POSTN: variants seen among roughly 807,000 people sequenced by gnomAD.
POSTN encodes periostin, also known as osteoblast specific factor 2 (fasciclin I-like).
Under a neutral mutation model 104.5 loss-of-function variants are expected in POSTN, and 71 were observed. That is an observed-to-expected ratio of 0.68 (90% CI 0.56 to 0.83). POSTN has a LOEUF of 0.83. Among genes scored for constraint, POSTN ranks in the 40% least tolerant of loss-of-function variants. The pLI, the probability that POSTN is intolerant of heterozygous loss-of-function variation, is 0.00. For synonymous variants in POSTN, 355 were observed against 340.7 expected, an observed-to-expected ratio of 1.04 and a Z score of -0.46; for missense variants, 949 against 1,006.8, an observed-to-expected ratio of 0.94 and a Z score of 0.78.
intron 16 of POSTN, among the ~76,000 whole-genome samples, chr13:37,575,701 A>C (rs1441295643): frequency 2.0e-5 from 3 of 152,126 alleles, no homozygotes; most frequent in Non-Finnish European, 4.4e-5. Flanking sequence ...TGGTTTCTGC[A>C]GTTCTCACCT....
chr13:37,593,334 T>G (rs1314015098), intron 2 of POSTN, among the ~76,000 whole-genome samples: 13 of 150,158 alleles, frequency 8.7e-5, no homozygotes, highest in Admixed American at 8.6e-4. Context: ...ATCCTAATTT[T>G]TATTTTTTCG....
In POSTN at chr13:37,568,425, GC is replaced by G. The variant is rs1428898930; in HGVS notation, c.2431+874del. Among the ~76,000 whole-genome samples the G allele has an allele frequency of 2.0e-5, 3 of 152,068 alleles. No individual in the cohort carries two copies. The East Asian group carries it at 5.8e-4, about 29-fold the overall frequency. ...AGTTTTAAAAAGTATAAGCTGAAAA[GC>G]CATCTGGACTGTGTTTTGGATAAAC... is the stretch of plus-strand genomic sequence containing the variant. On this transcript the variant is annotated intron_variant, in intron 21 of 22. Coordinates refer to ENST00000379747, the MANE Select transcript of POSTN (RefSeq NM_006475.3).
intron 1 of POSTN, among the ~76,000 whole-genome samples, chr13:37,597,995 T>C (rs533360871): frequency 6.6e-6 from 1 of 152,260 alleles, no homozygotes; most frequent in Non-Finnish European, 1.5e-5. Flanking sequence ...CTTAAAAAAT[T>C]ATAAATGGTT....
In POSTN at chr13:37,586,273, G is replaced by C. The variant is rs1204823668; in HGVS notation, c.761C>G (p.Ala254Gly). The change falls in exon 7 of 23, where the codon GCC becomes GGC. Residue 254 changes from alanine (A) to glycine (G), a missense_variant. Physicochemically the swap from Ala to Gly is moderately conservative, Grantham distance 60 (BLOSUM62 0). Coordinates refer to ENST00000379747, the MANE Select transcript of POSTN (RefSeq NM_006475.3). ...GGCCTCCAATATGTCCGATGTGATG[G>C]CAGCTGCCTGAAACACAAATGTGCT... ...EDDLSSFRAA[A>G]ITSDILEALG... The C allele has an allele frequency of 1.2e-6, 2 of 1,607,072 alleles. No individual in the cohort carries two copies. The highest frequency in any genetic ancestry group is 1.7e-6 in the Non-Finnish European group (2 of 1,177,452).
In POSTN at chr13:37,592,104, T is replaced by A. The variant is rs759513679; in HGVS notation, c.279A>T (p.Pro93=). The A allele has an allele frequency of 1.9e-6, 3 of 1,604,868 alleles. No individual in the cohort carries two copies. The highest frequency in any genetic ancestry group is 2.2e-5 in the South Asian group (2 of 90,796). Residue 93 remains proline (P), a synonymous_variant, in exon 3 of 23, where the codon CCA becomes CCT. Transcript: ENST00000379747. The part of the protein sequence containing the change: ...YMRMEGMKGC[P]AVLPIDHVYG... ...TTCAAAAAATTGAGATTTTACCTGC[T>A]GGGCAGCCTTTCATTCCTTCCATTC...
intron 2 of POSTN, among the ~76,000 whole-genome samples, chr13:37,595,899 C>T (rs1180914440): frequency 2.0e-5 from 3 of 151,406 alleles, no homozygotes; most frequent in African/African-American, 7.3e-5. Flanking sequence ...CAACCTCCAC[C>T]TCCTAGGTTC....
intron 17 of POSTN, among the ~76,000 whole-genome samples, chr13:37,573,828 A>C (rs994134554): frequency 1.3e-5 from 2 of 151,598 alleles, no homozygotes; most frequent in African/African-American, 2.4e-5. Flanking sequence ...AAATGAAAGT[A>C]ACATCAAAGA....
chr13:37,570,879 G>T, intron 18 of POSTN: 1 of 452,272 alleles, frequency 2.2e-6, no homozygotes, highest in Non-Finnish European at 4.0e-6. Flanking sequence ...TTGAGAGAGA[G>T]GGCCATTTGA....
chr13:37,598,282 AT>A (rs1951143247), intron 1 of POSTN, among the ~76,000 whole-genome samples: 1 of 152,124 alleles, frequency 6.6e-6, no homozygotes, highest in African/African-American at 2.4e-5. Context: ...TGAAAACTCA[AT>A]TTCAGATTTT....
chr13:37,564,335 T>C (rs1297087831), intron 22 of POSTN, among the ~76,000 whole-genome samples, 184 bp downstream of exon 22: 1 of 150,604 alleles, frequency 6.6e-6, no homozygotes, highest in South Asian at 2.1e-4. Flanking sequence ...ATTCTGATAG[T>C]ATAGAACATG....
rs1352739754 is a variant in POSTN at position 37,592,087 on chromosome 13, A to T, written c.283+13T>A. Reference sequence around the variant, plus strand: ...TATAATTCCTTATTTAATTCAAAAAATTGAGATTTTACCTGCTGGGCAGCC... The same window carrying T: ...TATAATTCCTTATTTAATTCAAAAATTTGAGATTTTACCTGCTGGGCAGCC... On this transcript the variant is annotated intron_variant, in intron 3 of 22. Coordinates refer to ENST00000379747, the MANE Select transcript of POSTN (RefSeq NM_006475.3). 6.3e-7 allele frequency: 1 copy of T among 1,587,680 alleles called. No homozygotes were observed. The highest frequency in any genetic ancestry group is 1.1e-5 in the South Asian group (1 of 90,038).
rs937692943 is a variant in POSTN, at chr13:37,579,045, A to G, written c.1868T>C (p.Val623Ala). The G allele has an allele frequency of 3.1e-6, 5 of 1,613,308 alleles. No homozygotes were observed. The highest frequency in any genetic ancestry group is 3.3e-5 in the Admixed American group (2 of 59,976). ...TGCTGGATAGAGGAGTTTATCTACAACATGAATTACACCATTTGTTGTCAT... is the reference window on the plus strand; with the variant it reads ...TGCTGGATAGAGGAGTTTATCTACAGCATGAATTACACCATTTGTTGTCAT... ...DIMTTNGVIH[V>A]VDKLLYPADT... is the part of the protein sequence containing the mutation. Residue 623 changes from valine (V) to alanine (A), a missense_variant, in exon 14 of 23, where the codon GTT (valine) becomes GCT (alanine). Val to Ala is a moderately conservative substitution (Grantham distance 64). Transcript: ENST00000379747.
At chr13:37,581,081 C>A (rs1950574683) in intron 10 of POSTN, among the ~76,000 whole-genome samples, 1 of 152,158 alleles carries the variant, frequency 6.6e-6, no homozygotes, top group Non-Finnish European at 1.5e-5. Flanking sequence ...GTGATCTTCA[C>A]AAATATTTAC....
rs756933880 is a variant in POSTN at position 37,579,226 on chromosome 13, T to C, written c.1791+3A>G. ...TATCATAAATTCATTCTAGACAACT[T>C]ACTTCTTTCAGAAAGATTTTGCTTC... is the stretch of plus-strand genomic sequence containing the variant. On this transcript the variant is annotated splice_donor_region_variant and intron_variant, in intron 13 of 22. Coordinates refer to ENST00000379747, the MANE Select transcript of POSTN (RefSeq NM_006475.3). 2 of 1,610,696 alleles carry C rather than the reference T, an allele frequency of 1.2e-6. No homozygotes were observed. Among genetic ancestry groups the C allele is most frequent in the South Asian group, 1.1e-5 (1 of 90,990 alleles).
intron 19 of POSTN, 32 bp from the exon 20 acceptor site, chr13:37,569,853 C>G: frequency 7.0e-7 from 1 of 1,424,946 alleles, no homozygotes; most frequent in South Asian, 1.2e-5. Context: ...AGGTCTAAAA[C>G]AGAAGTAGGC....
intron 22 of POSTN, 25 bp downstream of exon 22, chr13:37,564,494 A>G (rs954774598): frequency 1.3e-5 from 18 of 1,419,928 alleles, no homozygotes; most frequent in Non-Finnish European, 1.7e-5. Context: ...CCATATACAC[A>G]CATTACTATA....
chr13:37,566,766 A>G (rs1034753712), intron 21 of POSTN, among the ~76,000 whole-genome samples: 6 of 152,194 alleles, frequency 3.9e-5, no homozygotes, highest in Non-Finnish European at 7.4e-5. Context: ...TTCAGAATGC[A>G]TAATTCTAAG....
chr13:37,593,066 A>T (rs936491214), intron 2 of POSTN, among the ~76,000 whole-genome samples: 1 of 150,858 alleles, frequency 6.6e-6, no homozygotes, highest in African/African-American at 2.4e-5. Flanking sequence ...AAATAATCTA[A>T]GTAAGTTTAT....
At chr13:37,596,661 A>T (rs570887289) in intron 2 of POSTN, among the ~76,000 whole-genome samples, 2 of 152,196 alleles carry the variant, frequency 1.3e-5, no homozygotes, top group Admixed American at 6.5e-5. Flanking sequence ...AAATAAAGAG[A>T]TAAAACTCAA....
Sources: allele counts gnomAD v4.1 joint callset (sites outside exome capture counted in the v4.1 genomes callset), GRCh38; gene constraint gnomAD v4.1.1; transcripts MANE v1.5; gene names NCBI Gene and HGNC (gene_info 2026-07-23, HGNC 2026-07-21).